The following PTPRS variants were observed in gnomAD, a reference collection of about 807,000 sequenced individuals.
The protein encoded by PTPRS is protein tyrosine phosphatase receptor type S.
In PTPRS, 63 loss-of-function variants were observed where a neutral mutation model predicts 215.3. That is an observed-to-expected ratio of 0.29 (90% CI 0.24 to 0.36). The LOEUF is 0.36. Ranked by LOEUF, PTPRS falls within the 10% of genes least tolerant of loss-of-function variation. The pLI is 1.00. For synonymous variants in PTPRS, 1,404 were observed against 1,191.4 expected, an observed-to-expected ratio of 1.18 and a Z score of -3.68; for missense variants, 2,258 against 2,825.8, an observed-to-expected ratio of 0.80 and a Z score of 4.56.
At chr19:5,263,275 C>T (rs1163928023) in intron 5 of PTPRS, among the ~76,000 whole-genome samples, 1 of 152,086 alleles carries the variant, frequency 6.6e-6, no homozygotes, top group Non-Finnish European at 1.5e-5. Flanking sequence ...ACATCCTCAG[C>T]CAGGCTGGGA....
chr19:5,274,143 T>A, intron 3 of PTPRS, 56 bp downstream of exon 3: 12 of 1,571,256 alleles, frequency 7.6e-6, no homozygotes, highest in Non-Finnish European at 1.0e-5. Context: ...TGAGGTGCTG[T>A]GGCCCTGCCT....
At chr19:5,332,587 T>C (rs1271075753) in intron 1 of PTPRS, among the ~76,000 whole-genome samples, 2 of 152,212 alleles carry the variant, frequency 1.3e-5, no homozygotes, top group African/African-American at 2.4e-5. Flanking sequence ...ACAGGCGTTA[T>C]GGCTTGAGAA....
intron 9 of PTPRS, among the ~76,000 whole-genome samples, chr19:5,248,035 T>G (rs1568475157): frequency 1.9e-4 from 4 of 21,218 alleles, no homozygotes; most frequent in East Asian, 1.4e-3. Context: ...TGCCGTGAGA[T>G]GGGGGGGGCG....
chr19:5,252,573 TCAAA>T (rs1568485353), intron 9 of PTPRS, among the ~76,000 whole-genome samples: 1 of 36,594 alleles, frequency 2.7e-5, no homozygotes. Context: ...TGAGATTCTG[TCAAA>T]AAAAAAAAAA....
chr19:5,256,981 T>C (rs986262525), intron 8 of PTPRS, among the ~76,000 whole-genome samples: 3 of 151,698 alleles, frequency 2.0e-5, no homozygotes, highest in Non-Finnish European at 1.5e-5. Context: ...TTGAGTCAAT[T>C]ACACAGCGCT....
intron 4 of PTPRS, among the ~76,000 whole-genome samples, chr19:5,266,970 T>C (rs930889813): frequency 3.9e-5 from 6 of 152,122 alleles, no homozygotes; most frequent in Non-Finnish European, 5.9e-5. Context: ...CACTCTCCTC[T>C]GCAGCAGGGA....
chr19:5,231,327 A>G lies in PTPRS; in HGVS notation c.2138T>C (p.Val713Ala). The G allele has an allele frequency of 6.2e-7, 1 of 1,608,800 alleles. No individual in the cohort carries two copies. The highest frequency in any genetic ancestry group is 8.5e-7 in the Non-Finnish European group (1 of 1,179,424). ...GTACTTACCATCCTCGTCGGTGCGG[A>G]CGACCACGGGCGAGCTCTCGGGCCC... ...GPGPESSPVVVRTDEDVPSAP... is the reference protein window; with the variant it reads ...GPGPESSPVVARTDEDVPSAP... The change falls in exon 14 of 38, where the codon GTC (valine) becomes GCC (alanine). Residue 713 changes from valine to alanine, a missense_variant. Val to Ala is a moderately conservative substitution (Grantham distance 64). Around this residue, in one of 6 missense-constraint regions of PTPRS, gnomAD observed 371 missense variants for 446.7 expected, o/e 0.83. Coordinates refer to ENST00000262963, the MANE Select transcript of PTPRS (RefSeq NM_002850.4).
At chr19:5,234,415 G>C (rs890421964) in intron 13 of PTPRS, among the ~76,000 whole-genome samples, 1 of 152,226 alleles carries the variant, frequency 6.6e-6, no homozygotes, top group Non-Finnish European at 1.5e-5. Flanking sequence ...CTCATATTGA[G>C]CACCTACTGT....
At chr19:5,289,676 C>CT (rs1276941654) in intron 1 of PTPRS, among the ~76,000 whole-genome samples, 5 of 152,236 alleles carry the variant, frequency 3.3e-5, no homozygotes, top group Admixed American at 2.0e-4. Flanking sequence ...GCCCCCGGGC[C>CT]TTTGCGTGGG....
intron 1 of PTPRS, among the ~76,000 whole-genome samples, chr19:5,312,436 G>A (rs1485961012): frequency 6.6e-6 from 1 of 152,018 alleles, no homozygotes; most frequent in Non-Finnish European, 1.5e-5. Context: ...GAGGCAGGAG[G>A]ATTGCTTGAG....
chr19:5,212,093 C>T lies in PTPRS; in HGVS notation c.4927G>A (p.Glu1643Lys), dbSNP rs751085808. Reference protein sequence around the residue: ...QTEDQYSFIHEALLEAVGCGN... With the variant: ...QTEDQYSFIHKALLEAVGCGN... ...CAGCCCACGGCCTCCAGCAGGGCCT[C>T]GTGGATGAAGCTGTACTGGTCCTCC... Residue 1643 changes from glutamate to lysine, a missense_variant, in exon 32 of 38, where the codon GAG becomes AAG. By Grantham distance (56) the Glu-to-Lys change is moderately conservative. This residue lies in a region of PTPRS where 927 missense variants were observed against 1,125.9 expected (regional missense o/e 0.82). Transcript: ENST00000262963. 49 of 1,613,926 alleles carry T rather than the reference C, an allele frequency of 3.0e-5. No individual in the cohort carries two copies. The highest frequency in any genetic ancestry group is 6.6e-5 in the South Asian group (6 of 91,092).
At chr19:5,313,832 C>A (rs528275247) in intron 1 of PTPRS, among the ~76,000 whole-genome samples, 1 of 152,230 alleles carries the variant, frequency 6.6e-6, no homozygotes, top group South Asian at 2.1e-4. Context: ...CGCAGTGGCT[C>A]ACACCTGTAA....
At chr19:5,234,730 A>G (rs1385543148) in intron 13 of PTPRS, among the ~76,000 whole-genome samples, 1 of 151,880 alleles carries the variant, frequency 6.6e-6, no homozygotes, top group Non-Finnish European at 1.5e-5. Flanking sequence ...AATAGTCCCC[A>G]TGTATTAGGC....
At chr19:5,298,691 G>A (rs1218178453) in intron 1 of PTPRS, among the ~76,000 whole-genome samples, 1 of 152,244 alleles carries the variant, frequency 6.6e-6, no homozygotes, top group Admixed American at 6.5e-5. Flanking sequence ...ACCGCAGCGG[G>A]CATGATGCCC....
chr19:5,272,371 G>C (rs1412626255), intron 4 of PTPRS, among the ~76,000 whole-genome samples: 2 of 152,014 alleles, frequency 1.3e-5, no homozygotes, highest in Admixed American at 1.3e-4. Flanking sequence ...GCTGAGGCAG[G>C]CGGATCACTT....
At chr19:5,263,254 A>G (rs1422542161) in intron 5 of PTPRS, among the ~76,000 whole-genome samples, 1 of 152,132 alleles carries the variant, frequency 6.6e-6, no homozygotes, top group Non-Finnish European at 1.5e-5. Context: ...GCAGAGGCCT[A>G]TGAGCTGCAA....
chr19:5,262,685 T>C (rs1282289936), intron 6 of PTPRS, among the ~76,000 whole-genome samples: 1 of 152,220 alleles, frequency 6.6e-6, no homozygotes, highest in African/African-American at 2.4e-5. Flanking sequence ...CATTTTGAGG[T>C]CTGCCTGGCC....
chr19:5,326,593 G>C (rs1043011457), intron 1 of PTPRS, among the ~76,000 whole-genome samples: 1 of 152,000 alleles, frequency 6.6e-6, no homozygotes, highest in Non-Finnish European at 1.5e-5. Context: ...GGCTGAGGCG[G>C]GAGGATCGCC....
Position 5,340,688 on chromosome 19 carries a change from C to T in PTPRS, c.-119G>A, listed in dbSNP as rs1431092105. Reference sequence around the variant, plus strand: ...CCTGGAGGCTGGCTGGGCTGGGCTCCCCCGGCTCTGCCCCGCTTCACATCG... The same window carrying T: ...CCTGGAGGCTGGCTGGGCTGGGCTCTCCCGGCTCTGCCCCGCTTCACATCG... On this transcript the variant is annotated 5_prime_UTR_variant, in exon 1 of 38. Transcript: ENST00000262963. 2.0e-5 allele frequency: 3 copies of T among 151,006 alleles called. No homozygotes were observed. The highest frequency in any genetic ancestry group is 4.4e-5 in the Non-Finnish European group (3 of 67,848). 9.4% of individuals were successfully genotyped at this position (151,006 alleles called of 1,614,324 possible).
Sources: gnomAD v4.1 joint callset for allele counts (sites outside exome capture counted in the v4.1 genomes callset) on GRCh38, gnomAD v4.1.1 for gene constraint, gnomAD v4.1.1 regional missense constraint, MANE v1.5 for transcripts, NCBI Gene and HGNC (gene_info 2026-07-23, HGNC 2026-07-21) for gene names.